The following CLUAP1 variants were observed in gnomAD, a reference collection of about 807,000 sequenced individuals.
CLUAP1 encodes clusterin-associated protein 1.
CLUAP1 carries 50 observed loss-of-function variants against 55.0 expected under a neutral mutation model. The observed-to-expected ratio is 0.91, with a 90% CI of 0.72 to 1.15. The LOEUF (loss-of-function observed/expected upper bound fraction) is 1.15. CLUAP1 is among the 50% of genes most tolerant of loss of function. The pLI is 0.00. For synonymous variants in CLUAP1, 195 were observed against 175.4 expected (o/e 1.11, Z -0.88); for missense variants, 530 against 507.6 (o/e 1.04, Z -0.42).
At chr16:3,532,870 T>C (rs1213543315) in intron 11 of CLUAP1, 29 bp downstream of exon 11, 1 of 1,612,316 alleles carries the variant, frequency 6.2e-7, no homozygotes, top group East Asian at 2.2e-5. Flanking sequence ...TCAGTGGTTC[T>C]GTGCACTCTG....
chr16:3,497,114 G>A (rs1365786799), upstream of CLUAP1, among the ~76,000 whole-genome samples: 1 of 151,062 alleles, frequency 6.6e-6, no homozygotes, highest in Non-Finnish European at 1.5e-5. Context: ...CAGGTGATCC[G>A]CCCACCTCGG....
chr16:3,501,081 A>G lies in CLUAP1; in HGVS notation c.14A>G (p.Asp5Gly), dbSNP rs772659372. 1.3e-6 allele frequency: 2 copies of G among 1,596,828 alleles called. No homozygotes were observed. The highest frequency in any genetic ancestry group is 1.7e-6 in the Non-Finnish European group (2 of 1,176,336). The change falls in exon 1 of 12, where the codon GAC becomes GGC. Residue 5 changes from aspartate to glycine, a missense_variant. Transcript: ENST00000576634. MSFR[D>G]LRNFTEMMRA... ...GACCTGAGCGTTATGTCTTTCCGCG[A>G]CCTCCGCAGTAAGGCAGCCCCGCGC...
At chr16:3,514,132 C>G (rs1261844323) in intron 5 of CLUAP1, among the ~76,000 whole-genome samples, 1 of 152,216 alleles carries the variant, frequency 6.6e-6, no homozygotes, top group Non-Finnish European at 1.5e-5. Flanking sequence ...GTACATATGT[C>G]TGTACATGTC....
chr16:3,497,501 A>G (rs1245656938), upstream of CLUAP1, among the ~76,000 whole-genome samples: 1 of 152,240 alleles, frequency 6.6e-6, no homozygotes, highest in East Asian at 1.9e-4. Context: ...AGTGCTCAGT[A>G]CAATTCTTAT....
chr16:3,514,206 G>A (rs2037687864), intron 5 of CLUAP1, among the ~76,000 whole-genome samples: 1 of 152,196 alleles, frequency 6.6e-6, no homozygotes. Context: ...TGGCATCATT[G>A]TGAGACTTCA....
intron 3 of CLUAP1, among the ~76,000 whole-genome samples, chr16:3,507,680 TTGTGTGTGTGTGTGTGTGTG>T (rs61672090): frequency 1.4e-5 from 2 of 142,988 alleles, no homozygotes; most frequent in African/African-American, 2.6e-5. Context: ...CTTCCAGAGT[TTGTGTGTGTGTGTGTGTGTG>T]TGTGTGTGTG....
chr16:3,535,961 C>T, intron 11 of CLUAP1, 161 bp from the exon 12 acceptor site: 1 of 726,112 alleles, frequency 1.4e-6, no homozygotes, highest in Non-Finnish European at 2.2e-6. Flanking sequence ...AGTACATAGC[C>T]TCAGTCCCAT....
chr16:3,505,124 A>G (rs2037477652), intron 2 of CLUAP1, among the ~76,000 whole-genome samples: 1 of 152,218 alleles, frequency 6.6e-6, no homozygotes. Flanking sequence ...TCATAGTTCC[A>G]GCGACTCAGG....
chr16:3,510,211 C>T (rs1416946183), intron 4 of CLUAP1, among the ~76,000 whole-genome samples: 1 of 152,116 alleles, frequency 6.6e-6, no homozygotes, highest in Admixed American at 6.5e-5. Flanking sequence ...TCAGGCTAGT[C>T]TCGAACTCCT....
intron 9 of CLUAP1, among the ~76,000 whole-genome samples, chr16:3,528,573 C>T (rs74885809): frequency 2.0e-4 from 30 of 152,244 alleles, no homozygotes; most frequent in Middle Eastern, 6.8e-3. Flanking sequence ...TTGTCCCTTG[C>T]GAGAGGCCCA....
intron 3 of CLUAP1, among the ~76,000 whole-genome samples, chr16:3,507,559 CAAA>C (rs59370795): frequency 2.6e-5 from 3 of 115,126 alleles, no homozygotes; most frequent in Admixed American, 9.4e-5. Context: ...GACCCTATCT[CAAA>C]AAAAAAAAAA....
chr16:3,535,850 A>G, intron 11 of CLUAP1: 1 of 432,548 alleles, frequency 2.3e-6, no homozygotes, highest in Non-Finnish European at 4.2e-6. Flanking sequence ...GCAGATGCAG[A>G]GTGCTTCTTA....
chr16:3,526,839 T>G (rs2037954266), intron 9 of CLUAP1, among the ~76,000 whole-genome samples: 1 of 152,178 alleles, frequency 6.6e-6, no homozygotes, highest in Non-Finnish European at 1.5e-5. Flanking sequence ...TAGTTTGAAT[T>G]ATATATGATG....
intron 8 of CLUAP1, among the ~76,000 whole-genome samples, chr16:3,525,028 G>C (rs2037914501): frequency 6.6e-6 from 1 of 152,196 alleles, no homozygotes; most frequent in Admixed American, 6.5e-5. Context: ...GAGTTTGGCA[G>C]AGCTATTTTG....
intron 8 of CLUAP1, among the ~76,000 whole-genome samples, chr16:3,524,748 A>G (rs1456576044): frequency 6.6e-6 from 1 of 152,158 alleles, no homozygotes; most frequent in Non-Finnish European, 1.5e-5. Flanking sequence ...AGCCTGACCA[A>G]CCATCTTACA....
upstream of CLUAP1, chr16:3,500,814 C>G (rs1231989992): frequency 1.8e-6 from 1 of 557,020 alleles, no homozygotes; most frequent in African/African-American, 1.9e-5. Flanking sequence ...CGCCCAGAAG[C>G]TGGGAAGCTT....
Position 3,538,564 on chromosome 16 carries a change from C to G in CLUAP1, c.*2293C>G, listed in dbSNP as rs2038280628. On this transcript the variant is annotated 3_prime_UTR_variant, in exon 12 of 12. Transcript: ENST00000576634. ...AGAGTTCTATTTTCCTTATGTGATG[C>G]TTTCTTCTAACACACTTTAACACAG... The G allele has an allele frequency of 6.6e-6, 1 of 152,150 alleles. No individual in the cohort carries two copies. The highest frequency in any genetic ancestry group is 1.5e-5 in the Non-Finnish European group (1 of 68,034). 9.4% of individuals were successfully genotyped at this position (152,150 alleles called of 1,614,324 possible).
chr16:3,515,230 G>A (rs1398956155), intron 5 of CLUAP1: 2 of 248,008 alleles, frequency 8.1e-6, no homozygotes, highest in Admixed American at 5.7e-5. Flanking sequence ...AAATTTGGGA[G>A]AAAAGATAAT....
chr16:3,497,286 T>C (rs1183841847), upstream of CLUAP1, among the ~76,000 whole-genome samples: 1 of 151,332 alleles, frequency 6.6e-6, no homozygotes, highest in Non-Finnish European at 1.5e-5. Context: ...AGTCATAAAA[T>C]CACCACACAA....
Sources: allele counts gnomAD v4.1 joint callset (sites outside exome capture counted in the v4.1 genomes callset), GRCh38; gene constraint gnomAD v4.1.1; transcripts MANE v1.5; gene names NCBI Gene and HGNC (gene_info 2026-07-23, HGNC 2026-07-21).